Variants in USP43 observed in about 807,000 individuals in gnomAD.
The protein encoded by USP43 is ubiquitin specific peptidase 43.
A neutral mutation model predicts 90.7 loss-of-function variants in USP43; 33 were observed. The ratio of observed to expected loss-of-function variants is 0.36; its 90% confidence interval spans 0.28 to 0.49. USP43 has a LOEUF of 0.49. Ranked by LOEUF, USP43 falls within the 20% of genes least tolerant of loss-of-function variation. The probability of loss-of-function intolerance (pLI) is 0.98; values close to 1 mark genes in which losing one functional copy is unlikely to be tolerated. For synonymous variants in USP43, 598 were observed against 615.8 expected (o/e 0.97, Z 0.43); for missense variants, 1,274 against 1,476.4 (o/e 0.86, Z 2.25).
intron 14 of USP43, among the ~76,000 whole-genome samples, chr17:9,715,695 G>A (rs2151997433): frequency 8.5e-6 from 1 of 118,042 alleles, no homozygotes; most frequent in African/African-American, 5.2e-5. Context: ...GTATGTGTGT[G>A]TGTCTGTGTG....
chr17:9,666,268 G>A (rs78956745), intron 2 of USP43, among the ~76,000 whole-genome samples: 3 of 152,158 alleles, frequency 2.0e-5, no homozygotes, highest in Admixed American at 6.5e-5. Flanking sequence ...GTGTGGATGC[G>A]TTTGAGGTGA....
chr17:9,710,109 T>C lies in USP43; in HGVS notation c.2165T>C (p.Met722Thr), dbSNP rs1916099892. 4 of 1,506,516 alleles carry C rather than the reference T, an allele frequency of 2.7e-6. No individual in the cohort carries two copies. The South Asian group carries it at 4.1e-5, about 16-fold the overall frequency. The allele number at this position is 1,506,516 out of a possible 1,614,324, so 93.3% of individuals were successfully genotyped here. A position where few individuals can be genotyped will look rare whatever the true frequency, so the allele number is the denominator to read the frequency against. ...CCTCCCTGGTCAGCCAGCAGCTCCATGAGAGGTAGGTGCTGCTGCTCATGA... is the reference window on the plus strand; with the variant it reads ...CCTCCCTGGTCAGCCAGCAGCTCCACGAGAGGTAGGTGCTGCTGCTCATGA... Reference protein sequence around the residue: ...SIPPWSASSSMRGSTSSSLSD... With the variant: ...SIPPWSASSSTRGSTSSSLSD... The change falls in exon 13 of 15, where the codon ATG (methionine) becomes ACG (threonine). Residue 722 changes from methionine to threonine, a missense_variant. This residue lies in a region of USP43 where 285 missense variants were observed against 349.6 expected (regional missense o/e 0.82). Coordinates refer to ENST00000285199, the MANE Select transcript of USP43 (RefSeq NM_153210.5).
intron 12 of USP43, among the ~76,000 whole-genome samples, chr17:9,708,539 G>A (rs951804817): frequency 2.0e-5 from 3 of 152,222 alleles, no homozygotes; most frequent in African/African-American, 4.8e-5. Context: ...CAAGAGCAAA[G>A]ATGAACTCCT....
At chr17:9,712,165 A>G in intron 14 of USP43, 33 bp downstream of exon 14, 1 of 1,516,280 alleles carries the variant, frequency 6.6e-7, no homozygotes, top group South Asian at 1.3e-5. Context: ...GTTGATTTTC[A>G]TTTTCTGTAA....
intron 6 of USP43, among the ~76,000 whole-genome samples, chr17:9,681,166 A>T (rs1487149775): frequency 2.1e-4 from 13 of 61,096 alleles, no homozygotes; most frequent in African/African-American, 1.5e-3. Flanking sequence ...ATACTATATA[A>T]TATATACTAT....
chr17:9,716,638 G>T (rs941629619), intron 14 of USP43, among the ~76,000 whole-genome samples: 2 of 152,148 alleles, frequency 1.3e-5, no homozygotes, highest in Non-Finnish European at 2.9e-5. Context: ...GTTCATTCAT[G>T]GGCTGGAATC....
At chr17:9,669,509 AC>A (rs1913257270) in intron 3 of USP43, among the ~76,000 whole-genome samples, 1 of 152,112 alleles carries the variant, frequency 6.6e-6, no homozygotes, top group Admixed American at 6.6e-5. Context: ...TTCATGCCCT[AC>A]TGCGTGCTGG....
At chr17:9,689,464 TGTG>T (rs1334911347) in intron 8 of USP43, among the ~76,000 whole-genome samples, 5 of 151,376 alleles carry the variant, frequency 3.3e-5, no homozygotes, top group Non-Finnish European at 7.4e-5. Context: ...CAGGCTGGAG[TGTG>T]GTGGTGTGAT....
intron 8 of USP43, among the ~76,000 whole-genome samples, chr17:9,689,080 A>G (rs1245174236): frequency 1.3e-5 from 2 of 152,180 alleles, no homozygotes; most frequent in African/African-American, 4.8e-5. Flanking sequence ...ATGCTTTTTC[A>G]CAGATTCACG....
At position 9,645,785 on chromosome 17, in the gene USP43, A is replaced by G. The variant is rs1458460276; in HGVS notation, c.153A>G (p.Gly51=). The change falls in exon 1 of 15, where the codon GGA becomes GGG. Residue 51 remains glycine (G), a synonymous_variant. Coordinates refer to ENST00000285199, the MANE Select transcript of USP43 (RefSeq NM_153210.5). The surrounding 1 kb of genome is among the most constrained non-coding windows in gnomAD (Gnocchi z 6.8). ...ACTCACCGCCCCGGCCCCAGCCGGGACACTGTGATGGCGACGGTGAGGGGG... is the reference window on the plus strand; with the variant it reads ...ACTCACCGCCCCGGCCCCAGCCGGGGCACTGTGATGGCGACGGTGAGGGGG... ...PGDSPPRPQP[G]HCDGDGEGGF... is the part of the protein sequence containing the mutation. The G allele has an allele frequency of 7.2e-7, 1 of 1,392,378 alleles. No homozygotes were observed. The highest frequency in any genetic ancestry group is 9.2e-7 in the Non-Finnish European group (1 of 1,081,772). The allele number at this position is 1,392,378 out of a possible 1,614,324, so 86.3% of individuals were successfully genotyped here.
At chr17:9,723,539 TCCCC>T (rs1917080424) in intron 14 of USP43, among the ~76,000 whole-genome samples, 4 of 17,136 alleles carry the variant, frequency 2.3e-4, no homozygotes, top group African/African-American at 7.7e-4. Context: ...TCCCCTCCCC[TCCCC>T]TCCCCTCCCC....
At chr17:9,697,642 T>C (rs866590399) in intron 9 of USP43, among the ~76,000 whole-genome samples, 24 of 151,940 alleles carry the variant, frequency 1.6e-4, no homozygotes, top group South Asian at 1.0e-3. Context: ...TTTTCATCCA[T>C]GTTGCTGCAA....
At chr17:9,690,223 T>C (rs1320372682) in intron 8 of USP43, among the ~76,000 whole-genome samples, 1 of 152,222 alleles carries the variant, frequency 6.6e-6, no homozygotes, top group Non-Finnish European at 1.5e-5. Flanking sequence ...GGAATTATGA[T>C]GCTTTTCTCT....
At chr17:9,680,428 C>T (rs1179418626) in intron 6 of USP43, 62 bp downstream of exon 6, 6 of 1,586,024 alleles carry the variant, frequency 3.8e-6, no homozygotes, top group Non-Finnish European at 5.2e-6. Context: ...TCAGAGGATA[C>T]TCCTTGGGTG....
At chr17:9,697,604 A>G (rs1915350453) in intron 9 of USP43, among the ~76,000 whole-genome samples, 1 of 151,712 alleles carries the variant, frequency 6.6e-6, no homozygotes, top group Admixed American at 6.6e-5. Context: ...CTGTTTCTGC[A>G]TTCATTCACT....
Position 9,647,846 on chromosome 17 carries a change from TCCAAAAAA to T in USP43, c.504+1711_504+1718del, listed in dbSNP as rs1157960134. ...GGTGAAACCCCGTCTTTACTAAAAA[TCCAAAAAA>T]AAAAAAAAAAAAAAAAATTAGCCGG... On this transcript the variant is annotated intron_variant, in intron 1 of 14. Coordinates refer to ENST00000285199, the MANE Select transcript of USP43 (RefSeq NM_153210.5). Among the ~76,000 whole-genome samples the T allele has an allele frequency of 4.5e-4, 17 of 37,434 alleles. 1 individual carries two copies. The highest frequency in any genetic ancestry group is 1.3e-3 in the African/African-American group (11 of 8,722). 24.6% of individuals were successfully genotyped at this position (37,434 alleles called of 152,430 possible). A position where few individuals can be genotyped will look rare whatever the true frequency, so the allele number is the denominator to read the frequency against.
chr17:9,704,218 T>C (rs561473979), intron 12 of USP43, among the ~76,000 whole-genome samples: 1 of 152,330 alleles, frequency 6.6e-6, no homozygotes, highest in Non-Finnish European at 1.5e-5. Flanking sequence ...TGTAGGTCTT[T>C]TTCATTGCTT....
At chr17:9,714,149 G>A (rs1916357600) in intron 14 of USP43, among the ~76,000 whole-genome samples, 1 of 152,194 alleles carries the variant, frequency 6.6e-6, no homozygotes, top group Non-Finnish European at 1.5e-5. Flanking sequence ...TGCGAGTGAT[G>A]GGGAGCAGCT....
At chr17:9,671,621 G>A (rs1050414696) in intron 3 of USP43, among the ~76,000 whole-genome samples, 2 of 152,174 alleles carry the variant, frequency 1.3e-5, no homozygotes, top group African/African-American at 4.8e-5. Context: ...AGCACTGACG[G>A]GATTAGCTTT....
Sources: allele counts gnomAD v4.1 joint callset (sites outside exome capture counted in the v4.1 genomes callset), GRCh38; gene constraint gnomAD v4.1.1; regional missense constraint gnomAD v4.1.1; non-coding constraint Gnocchi (gnomAD v3.1); transcripts MANE v1.5; gene names NCBI Gene and HGNC (gene_info 2026-07-23, HGNC 2026-07-21).